ATG7: variants seen among roughly 807,000 people sequenced by gnomAD.
The protein encoded by ATG7 is autophagy related 7.
In ATG7, 70 loss-of-function variants were observed where a neutral mutation model predicts 82.4. The observed-to-expected ratio is 0.85, with a 90% CI of 0.70 to 1.04. The LOEUF is 1.04. ATG7 is among the 50% of genes least tolerant of loss of function. The pLI, the probability that ATG7 is intolerant of heterozygous loss-of-function variation, is 0.00. For synonymous variants in ATG7, 287 were observed against 313.0 expected (o/e 0.92, Z 0.88); for missense variants, 792 against 864.3 (o/e 0.92, Z 1.05).
chr3:11,302,625 G>A (rs996657208), intron 5 of ATG7, among the ~76,000 whole-genome samples: 1 of 152,180 alleles, frequency 6.6e-6, no homozygotes, highest in African/African-American at 2.4e-5. Context: ...TAATAAGCAT[G>A]GAGAGGTAAT....
chr3:11,366,148 G>T (rs1343887574), intron 18 of ATG7, among the ~76,000 whole-genome samples: 3 of 151,242 alleles, frequency 2.0e-5, no homozygotes, highest in African/African-American at 4.9e-5. Flanking sequence ...AACCCGGGAG[G>T]TGGAGGGTTG....
At chr3:11,337,551 G>C (rs1198591508) in intron 11 of ATG7, among the ~76,000 whole-genome samples, 1 of 151,834 alleles carries the variant, frequency 6.6e-6, no homozygotes, top group Non-Finnish European at 1.5e-5. Flanking sequence ...ATGGATGCAG[G>C]TATGGTAAAT....
intron 20 of ATG7, among the ~76,000 whole-genome samples, chr3:11,525,434 CAGTA>C (rs2092551762): frequency 7.0e-6 from 1 of 143,604 alleles, no homozygotes; most frequent in African/African-American, 2.7e-5. Context: ...AAGAGGTTCA[CAGTA>C]AGACATGTGA....
intron 19 of ATG7, 129 bp downstream of exon 19, chr3:11,380,181 C>T (rs1156963970): frequency 2.6e-6 from 2 of 779,638 alleles, no homozygotes; most frequent in African/African-American, 3.5e-5. Context: ...GGGTCTAAAC[C>T]CTCAGAAAGG....
chr3:11,458,963 C>G (rs1041641580), intron 20 of ATG7, among the ~76,000 whole-genome samples: 2 of 152,042 alleles, frequency 1.3e-5, no homozygotes, highest in African/African-American at 4.8e-5. Context: ...TCTGGGTTGC[C>G]CGCAGCTTAT....
intron 20 of ATG7, among the ~76,000 whole-genome samples, chr3:11,467,834 C>A (rs1184507011): frequency 6.6e-6 from 1 of 152,168 alleles, no homozygotes; most frequent in Non-Finnish European, 1.5e-5. Flanking sequence ...ATATGTCTTG[C>A]CTAACAAAGT....
intron 20 of ATG7, among the ~76,000 whole-genome samples, chr3:11,513,891 A>G (rs2092173167): frequency 6.6e-6 from 1 of 152,222 alleles, no homozygotes; most frequent in Non-Finnish European, 1.5e-5. Flanking sequence ...ACTGTGTACC[A>G]GGCACTGGGT....
chr3:11,412,261 C>T (rs1036232636), intron 19 of ATG7, among the ~76,000 whole-genome samples: 31 of 137,804 alleles, frequency 2.2e-4, no homozygotes, highest in Non-Finnish European at 4.1e-4. Flanking sequence ...TTATTTGATT[C>T]TTTTTTTTTT....
At chr3:11,407,517 G>A (rs887611547) in intron 19 of ATG7, among the ~76,000 whole-genome samples, 1 of 152,166 alleles carries the variant, frequency 6.6e-6, no homozygotes, top group African/African-American at 2.4e-5. Context: ...AACTCTGTGT[G>A]GGGGCTCTCA....
At chr3:11,559,959 G>A (rs772158803), downstream of ATG7, among the ~76,000 whole-genome samples, 1 of 152,100 alleles carries the variant, frequency 6.6e-6, no homozygotes, top group African/African-American at 2.4e-5. Flanking sequence ...CTACAAATCG[G>A]GACAGAGAGG....
At chr3:11,480,146 T>C (rs2088764866) in intron 20 of ATG7, among the ~76,000 whole-genome samples, 1 of 152,150 alleles carries the variant, frequency 6.6e-6, no homozygotes, top group African/African-American at 2.4e-5. Flanking sequence ...TTAGCCAGCA[T>C]GGTCTCGATC....
At chr3:11,566,091 C>T in the ATG7 span, among the ~76,000 whole-genome samples, 1 of 152,196 alleles carries the variant, frequency 6.6e-6, no homozygotes, top group Non-Finnish European at 1.5e-5. Context: ...AAAGCCTAGG[C>T]CTGCCCTGGT....
chr3:11,385,397 C>G (rs2078243554), intron 19 of ATG7, among the ~76,000 whole-genome samples: 1 of 152,200 alleles, frequency 6.6e-6, no homozygotes. Context: ...TGCAAATGCA[C>G]CACTTAGAAA....
At chr3:11,572,096 AG>A in the ATG7 span, among the ~76,000 whole-genome samples, 3 of 152,168 alleles carry the variant, frequency 2.0e-5, no homozygotes, top group South Asian at 4.1e-4. Flanking sequence ...TGACAGAGTG[AG>A]ACCCTGTCTC....
Position 11,557,190 on chromosome 3 carries a change from T to G in ATG7, c.*2347T>G, listed in dbSNP as rs2072514983. ...CAGCTGTGACCTCCACAGCTGTGTCTGTCATGCTTGCTTCATCTAATTTCT... is the reference window on the plus strand; with the variant it reads ...CAGCTGTGACCTCCACAGCTGTGTCGGTCATGCTTGCTTCATCTAATTTCT... On this transcript the variant is annotated 3_prime_UTR_variant, in exon 21 of 21. Transcript: ENST00000693202. The G allele has an allele frequency of 6.5e-6, 1 of 152,796 alleles. No homozygotes were observed. The highest frequency in any genetic ancestry group is 2.4e-5 in the African/African-American group (1 of 41,470). 9.5% of individuals were successfully genotyped at this position (152,796 alleles called of 1,614,324 possible).
intron 20 of ATG7, among the ~76,000 whole-genome samples, chr3:11,468,803 G>A (rs997419612): frequency 7.2e-5 from 11 of 152,146 alleles, no homozygotes; most frequent in Admixed American, 3.3e-4. Flanking sequence ...AGGGAGGCTC[G>A]GTTTCATCAG....
Position 11,456,075 on chromosome 3 carries a change from T to G in ATG7, c.2079+29149T>G, listed in dbSNP as rs147645558. 3.0e-3 allele frequency among the ~76,000 whole-genome samples: 451 copies of G among 152,316 alleles called. 4 individuals are homozygous for G. The highest frequency in any genetic ancestry group is 0.01 in the African/African-American group (428 of 41,554). Reference sequence around the variant, plus strand: ...TCAGAGTTGTGTAACCGTCATTGTCTGTTTAGAATATTTCATCACCCCCAA... The same window carrying G: ...TCAGAGTTGTGTAACCGTCATTGTCGGTTTAGAATATTTCATCACCCCCAA... On this transcript the variant is annotated intron_variant, in intron 20 of 20. Coordinates refer to ENST00000693202, the MANE Select transcript of ATG7 (RefSeq NM_001349232.2).
At chr3:11,283,539 G>A (rs185982061) in intron 3 of ATG7, among the ~76,000 whole-genome samples, 6 of 152,240 alleles carry the variant, frequency 3.9e-5, no homozygotes. Context: ...GCCAATAGGA[G>A]GTGGAGGTGG....
At chr3:11,373,301 T>C (rs1391168330) in intron 18 of ATG7, among the ~76,000 whole-genome samples, 1 of 152,142 alleles carries the variant, frequency 6.6e-6, no homozygotes, top group Non-Finnish European at 1.5e-5. Context: ...CTAAATTAGG[T>C]GGTGTGGTGG....
Sources: allele counts gnomAD v4.1 joint callset (sites outside exome capture counted in the v4.1 genomes callset), GRCh38; gene constraint gnomAD v4.1.1; transcripts MANE v1.5; gene names NCBI Gene and HGNC (gene_info 2026-07-23, HGNC 2026-07-21).